The following SORCS2 variants were observed in gnomAD, a reference collection of about 807,000 sequenced individuals.
SORCS2 encodes the protein sortilin related VPS10 domain containing receptor 2, also known as VPS10 domain-containing receptor SorCS2.
A neutral mutation model predicts 141.6 loss-of-function variants in SORCS2; 100 were observed. That is an observed-to-expected ratio of 0.71 (90% CI 0.60 to 0.83). SORCS2 has a LOEUF of 0.83. SORCS2 is among the 40% of genes least tolerant of loss of function. SORCS2 has a pLI of 0.00. For synonymous variants in SORCS2, 789 were observed against 676.9 expected, an observed-to-expected ratio of 1.17 and a Z score of -2.57; for missense variants, 1,646 against 1,560.2, an observed-to-expected ratio of 1.05 and a Z score of -0.93.
At chr4:7,257,873 G>T (rs1287913433) in intron 1 of SORCS2, among the ~76,000 whole-genome samples, 1 of 152,210 alleles carries the variant, frequency 6.6e-6, no homozygotes, top group Middle Eastern at 3.2e-3. Flanking sequence ...GACAGGAGAT[G>T]GGAGGAAGGC....
At chr4:7,516,745 A>G (rs1560348847) in intron 2 of SORCS2, among the ~76,000 whole-genome samples, 1 of 152,122 alleles carries the variant, frequency 6.6e-6, no homozygotes, top group African/African-American at 2.4e-5. Context: ...CAGCTGAACC[A>G]GGAAGGGAGC....
At chr4:7,680,297 A>T (rs1292852492) in intron 9 of SORCS2, among the ~76,000 whole-genome samples, 6 of 152,200 alleles carry the variant, frequency 3.9e-5, no homozygotes, top group Admixed American at 3.9e-4. Context: ...ACACCCATGC[A>T]CGTGCCCCAC....
At chr4:7,573,574 A>G (rs184115164) in intron 3 of SORCS2, among the ~76,000 whole-genome samples, 13 of 152,116 alleles carry the variant, frequency 8.5e-5, no homozygotes, top group African/African-American at 2.7e-4. Context: ...CTGAAGTGCA[A>G]TGGTGCAATC....
intron 1 of SORCS2, among the ~76,000 whole-genome samples, chr4:7,362,923 T>C (rs62635986): frequency 9.3e-4 from 42 of 45,278 alleles, no homozygotes; most frequent in Middle Eastern, 0.011. Flanking sequence ...ATCATCACCA[T>C]CACCATCATT....
chr4:7,720,848 G>A (rs1726540026), intron 18 of SORCS2, among the ~76,000 whole-genome samples: 1 of 152,216 alleles, frequency 6.6e-6, no homozygotes, highest in African/African-American at 2.4e-5. Flanking sequence ...TACCGGTGAG[G>A]ATGCAGGGAA....
At chr4:7,382,413 G>A (rs1168815907) in intron 1 of SORCS2, among the ~76,000 whole-genome samples, 1 of 152,122 alleles carries the variant, frequency 6.6e-6, no homozygotes, top group Admixed American at 6.5e-5. Flanking sequence ...GCCCCTGTAA[G>A]GTGCAGAGAA....
At chr4:7,197,683 A>G (rs1419373312) in intron 1 of SORCS2, among the ~76,000 whole-genome samples, 4 of 152,224 alleles carry the variant, frequency 2.6e-5, no homozygotes, top group African/African-American at 9.6e-5. Context: ...TGCATTGTGC[A>G]TGGAGACAAA....
At chr4:7,554,300 C>T (rs77103245) in intron 3 of SORCS2, among the ~76,000 whole-genome samples, 2,212 of 151,996 alleles carry the variant, frequency 0.015, 59 homozygotes, top group African/African-American at 0.051. Context: ...AAGTGCTTTG[C>T]GAGCTGTAAC....
intron 2 of SORCS2, among the ~76,000 whole-genome samples, chr4:7,476,429 G>T (rs1730295778): frequency 6.6e-6 from 1 of 152,110 alleles, no homozygotes; most frequent in South Asian, 2.1e-4. Flanking sequence ...TGCTCTCAAT[G>T]CCTTCAATGG....
At chr4:7,661,596 C>T in intron 6 of SORCS2, 32 bp downstream of exon 6, 1 of 1,546,898 alleles carries the variant, frequency 6.5e-7, no homozygotes, top group South Asian at 1.2e-5. Flanking sequence ...CACCGGGTAT[C>T]CCTGAGTCAC....
intron 1 of SORCS2, among the ~76,000 whole-genome samples, chr4:7,269,197 G>T (rs1445753399): frequency 6.6e-6 from 1 of 152,220 alleles, no homozygotes; most frequent in Non-Finnish European, 1.5e-5. Context: ...TGGGATGAGG[G>T]CCGGTGATGC....
intron 3 of SORCS2, among the ~76,000 whole-genome samples, chr4:7,566,684 C>T (rs1353840986): frequency 6.6e-6 from 1 of 152,260 alleles, no homozygotes; most frequent in Non-Finnish European, 1.5e-5. Context: ...TGGTTCTGAG[C>T]TCCCTTAGGA....
chr4:7,511,352 A>G (rs1450578350), intron 2 of SORCS2, among the ~76,000 whole-genome samples: 2 of 118,530 alleles, frequency 1.7e-5, no homozygotes, highest in East Asian at 3.3e-4. Context: ...AGGGAGGGAG[A>G]GAGAGAGAGA....
Position 7,193,812 on chromosome 4 carries a change from C to T in SORCS2, c.480+686C>T, listed in dbSNP as rs575017614. 6.6e-6 allele frequency among the ~76,000 whole-genome samples: 1 copy of T among 152,288 alleles called. No individual in the cohort carries two copies. Among genetic ancestry groups the T allele is most frequent in the South Asian group, 2.1e-4 (1 of 4,824 alleles). On this transcript the variant is annotated intron_variant, in intron 1 of 26. Transcript: ENST00000507866. The surrounding 1 kb of genome is among the most constrained non-coding windows in gnomAD (Gnocchi z 4.8). Reference sequence around the variant, plus strand: ...GCTGGCACAGCAAACTCCCTGCCCTCCCCCCACCTTCCCGGCTACTCTGGC... The same window carrying T: ...GCTGGCACAGCAAACTCCCTGCCCTTCCCCCACCTTCCCGGCTACTCTGGC...
At chr4:7,244,464 C>T (rs964752447) in intron 1 of SORCS2, among the ~76,000 whole-genome samples, 2 of 152,242 alleles carry the variant, frequency 1.3e-5, no homozygotes, top group Non-Finnish European at 2.9e-5. Flanking sequence ...CTGCTCCGTC[C>T]CTGCCCCTCG....
chr4:7,364,599 T>A (rs1174178082), intron 1 of SORCS2, among the ~76,000 whole-genome samples: 1 of 152,056 alleles, frequency 6.6e-6, no homozygotes, highest in Non-Finnish European at 1.5e-5. Flanking sequence ...GTCTTGAGGG[T>A]GGCACTGTCT....
At chr4:7,437,019 T>C (rs1280412621) in intron 2 of SORCS2, among the ~76,000 whole-genome samples, 1 of 152,170 alleles carries the variant, frequency 6.6e-6, no homozygotes, top group African/African-American at 2.4e-5. Context: ...TTTCGGGGAC[T>C]GGGGTGTTTT....
chr4:7,204,604 C>T (rs962539769), intron 1 of SORCS2, among the ~76,000 whole-genome samples: 3 of 152,166 alleles, frequency 2.0e-5, no homozygotes, highest in African/African-American at 7.2e-5. Context: ...ACTTGCCGGT[C>T]AGTAGCACAA....
intron 1 of SORCS2, among the ~76,000 whole-genome samples, chr4:7,374,497 C>A (rs1722506431): frequency 6.6e-6 from 1 of 152,120 alleles, no homozygotes; most frequent in Non-Finnish European, 1.5e-5. Context: ...GGGACGTTCC[C>A]CAGACATTGT....
Sources: gnomAD v4.1 joint callset for allele counts (sites outside exome capture counted in the v4.1 genomes callset) on GRCh38, gnomAD v4.1.1 for gene constraint, Gnocchi (gnomAD v3.1) non-coding constraint, MANE v1.5 for transcripts, NCBI Gene and HGNC (gene_info 2026-07-23, HGNC 2026-07-21) for gene names.